The following GABRA2 variants were observed in gnomAD, a reference collection of about 807,000 sequenced individuals.
GABRA2 encodes gamma-aminobutyric acid type A receptor subunit alpha2.
In GABRA2, 16 loss-of-function variants were observed where a neutral mutation model predicts 48.7. The observed-to-expected ratio is 0.33, with a 90% CI of 0.22 to 0.50. The LOEUF (loss-of-function observed/expected upper bound fraction) is 0.50, where lower values mean the gene tolerates loss of function less well. GABRA2 is among the 20% of genes least tolerant of loss of function. The pLI is 0.98. For missense variants in GABRA2, 275 were observed against 535.6 expected, an observed-to-expected ratio of 0.51 and a Z score of 4.80; for synonymous variants, 185 against 184.5, an observed-to-expected ratio of 1.00 and a Z score of -0.02.
chr4:46,251,491 G>T (rs1160930160), intron 9 of GABRA2, among the ~76,000 whole-genome samples: 1 of 151,262 alleles, frequency 6.6e-6, no homozygotes, highest in Non-Finnish European at 1.5e-5. Flanking sequence ...TTGGTGCCAC[G>T]CTTTTAGCCA....
chr4:46,342,656 T>C (rs1468709651), intron 3 of GABRA2, among the ~76,000 whole-genome samples: 1 of 152,020 alleles, frequency 6.6e-6, no homozygotes. Context: ...ACTGTTTTAT[T>C]TTATTTTTAG....
chr4:46,341,817 G>T (rs1038808695), intron 3 of GABRA2, among the ~76,000 whole-genome samples: 2 of 151,726 alleles, frequency 1.3e-5, no homozygotes, highest in East Asian at 3.9e-4. Context: ...TCAGTCCTCA[G>T]TTTTTTTCTT....
chr4:46,368,442 A>AT (rs1714390027), intron 3 of GABRA2: 1 of 152,294 alleles, frequency 6.6e-6, no homozygotes, highest in African/African-American at 2.4e-5. Context: ...AGAAACCATC[A>AT]TTTTTAACCA....
At chr4:46,329,935 T>C (rs1275171445) in intron 4 of GABRA2, among the ~76,000 whole-genome samples, 1 of 152,106 alleles carries the variant, frequency 6.6e-6, no homozygotes, top group Non-Finnish European at 1.5e-5. Flanking sequence ...AAGGGAAATG[T>C]ATTATTAGGG....
At chr4:46,348,253 G>A (rs1448688091) in intron 3 of GABRA2, among the ~76,000 whole-genome samples, 16 of 151,672 alleles carry the variant, frequency 1.1e-4, no homozygotes, top group Admixed American at 2.0e-4. Context: ...TAGAATGGCA[G>A]TCATTAAAAA....
chr4:46,305,732 T>C (rs201021931), intron 6 of GABRA2, 21 bp from the exon 7 acceptor site: 18 of 1,573,128 alleles, frequency 1.1e-5, no homozygotes, highest in Middle Eastern at 1.7e-4. Context: ...TCAGAAAAAA[T>C]ATTTTAAGCA....
In GABRA2 at chr4:46,261,989, T is replaced by G. The variant is rs1167317065; in HGVS notation, c.996A>C (p.Ala332=). The change falls in exon 9 of 10, where the codon GCA becomes GCC. Residue 332 remains alanine, a synonymous_variant. Coordinates refer to ENST00000381620, the MANE Select transcript of GABRA2 (RefSeq NM_000807.4). ...AFVFSALIEF[A]TVNYFTKRGW... ...CTCTTTTGGTGAAGTAATTAACAGT[T>G]GCAAATTCAATTAGGGCAGAGAACA... The G allele has an allele frequency of 6.2e-7, 1 of 1,613,860 alleles. No individual in the cohort carries two copies. The highest frequency in any genetic ancestry group is 1.7e-5 in the Admixed American group (1 of 59,964).
At chr4:46,278,162 C>T (rs539291012) in intron 8 of GABRA2, among the ~76,000 whole-genome samples, 1 of 152,152 alleles carries the variant, frequency 6.6e-6, no homozygotes, top group Non-Finnish European at 1.5e-5. Context: ...CACACTTATA[C>T]ACACTCACAC....
chr4:46,319,719 G>A (rs1729133513), intron 4 of GABRA2, among the ~76,000 whole-genome samples: 1 of 151,612 alleles, frequency 6.6e-6, no homozygotes, highest in Non-Finnish European at 1.5e-5. Flanking sequence ...AAGATGTTTG[G>A]GCATTCTTTT....
intron 2 of GABRA2, chr4:46,386,786 T>C (rs1238929142): frequency 6.5e-6 from 1 of 152,858 alleles, no homozygotes; most frequent in African/African-American, 2.4e-5. Context: ...AGGCTCCATG[T>C]AGCCAGGAGG....
At chr4:46,273,502 C>CATATATATATATATATAT (rs71637683) in intron 8 of GABRA2, among the ~76,000 whole-genome samples, 4 of 48,134 alleles carry the variant, frequency 8.3e-5, no homozygotes, top group Admixed American at 2.2e-4. Context: ...TATATATATG[C>CATATATATATATATATAT]ATATATATAT....
Position 46,246,118 on chromosome 4 carries a change from G to A in GABRA2, c.*4190C>T, listed in dbSNP as rs550190694. Among the ~76,000 whole-genome samples the A allele has an allele frequency of 1.3e-5, 2 of 150,656 alleles. No homozygotes were observed. The highest frequency in any genetic ancestry group is 2.1e-4 in the South Asian group (1 of 4,776). Reference sequence around the variant, plus strand: ...ATGATGCTTACTATGATAGAATAACGACTCTTAAAATATTTGTGTGTCTAC... The same window carrying A: ...ATGATGCTTACTATGATAGAATAACAACTCTTAAAATATTTGTGTGTCTAC... On this transcript the variant is annotated 3_prime_UTR_variant, in exon 10 of 10. Transcript: ENST00000381620.
Position 46,374,769 on chromosome 4 carries a change from C to T in GABRA2, c.187+11305G>A, listed in dbSNP as rs766109972. On this transcript the variant is annotated intron_variant, in intron 3 of 9. Coordinates refer to ENST00000381620, the MANE Select transcript of GABRA2 (RefSeq NM_000807.4). ...AGAAGGGACATCTTACTTTTTATTA[C>T]GTTTTAAATCAAATTATTAATGCCC... 1.5e-4 allele frequency among the ~76,000 whole-genome samples: 23 copies of T among 151,750 alleles called. 1 individual carries two copies. Among genetic ancestry groups the T allele is most frequent in the Admixed American group, 2.6e-4 (4 of 15,248 alleles).
intron 4 of GABRA2, among the ~76,000 whole-genome samples, chr4:46,320,568 G>A (rs1160893865): frequency 1.3e-5 from 2 of 151,814 alleles, no homozygotes; most frequent in Non-Finnish European, 2.9e-5. Flanking sequence ...AATACATAAG[G>A]AATTCACACA....
rs1270634452 is a variant in GABRA2, at chr4:46,245,015, GT to G, written c.*5292del. Among the ~76,000 whole-genome samples, 1 of 151,156 alleles carries G rather than the reference GT, an allele frequency of 6.6e-6. No homozygotes were observed. The highest frequency in any genetic ancestry group is 1.5e-5 in the Non-Finnish European group (1 of 67,496). ...AGCAAAGAAAAAACACAGGTTTTTG[GT>G]TTTTTTGTTGTTTTTTGTTTTTTTG... On this transcript the variant is annotated 3_prime_UTR_variant, in exon 10 of 10. Coordinates refer to ENST00000381620, the MANE Select transcript of GABRA2 (RefSeq NM_000807.4).
chr4:46,306,455 C>A lies in GABRA2; in HGVS notation c.560-744G>T, dbSNP rs188790070. ...GTAAGATGACTTCAGAGATGGCATG[C>A]AGGCAACATATCTGGTCTTAGCCTT... is the stretch of plus-strand genomic sequence containing the variant. On this transcript the variant is annotated intron_variant, in intron 6 of 9. Transcript: ENST00000381620. Among the ~76,000 whole-genome samples the A allele has an allele frequency of 7.7e-3, 1,168 of 152,272 alleles. 14 individuals carry two copies. Among genetic ancestry groups the A allele is most frequent in the African/African-American group, 0.026 (1,100 of 41,560 alleles).
chr4:46,280,053 T>TAAA (rs75721400), intron 8 of GABRA2, among the ~76,000 whole-genome samples: 2 of 150,828 alleles, frequency 1.3e-5, no homozygotes, highest in East Asian at 2.0e-4. Flanking sequence ...AGTTTTTTTT[T>TAAA]AAAAAATGAG....
chr4:46,259,639 G>A (rs1364070469), intron 9 of GABRA2, among the ~76,000 whole-genome samples: 4 of 151,758 alleles, frequency 2.6e-5, no homozygotes, highest in Non-Finnish European at 5.9e-5. Context: ...TTGATAATTG[G>A]TATTTTATGA....
At chr4:46,261,237 T>C (rs769361303) in intron 9 of GABRA2, 1 of 152,058 alleles carries the variant, frequency 6.6e-6, no homozygotes, top group African/African-American at 2.4e-5. Flanking sequence ...TCAAAAGAAG[T>C]TAATCTTAAA....
Sources: gnomAD v4.1 joint callset for allele counts (sites outside exome capture counted in the v4.1 genomes callset) on GRCh38, gnomAD v4.1.1 for gene constraint, MANE v1.5 for transcripts, NCBI Gene and HGNC (gene_info 2026-07-23, HGNC 2026-07-21) for gene names.